The following PDLIM5 variants were observed in gnomAD, a reference collection of about 807,000 sequenced individuals.
PDLIM5 encodes the protein PDZ and LIM domain 5, also known as PDZ and LIM domain protein 5.
Under a neutral mutation model 64.2 loss-of-function variants are expected in PDLIM5, and 34 were observed. The observed-to-expected ratio is 0.53, with a 90% CI of 0.40 to 0.71. The LOEUF (loss-of-function observed/expected upper bound fraction) is 0.71. Among genes scored for constraint, PDLIM5 ranks in the 30% least tolerant of loss-of-function variants. PDLIM5 has a pLI of 0.00. For missense variants in PDLIM5, 683 were observed against 733.6 expected (o/e 0.93, Z 0.80); for synonymous variants, 253 against 269.1 (o/e 0.94, Z 0.59).
At chr4:94,563,932 T>C (rs547448642) in intron 3 of PDLIM5, among the ~76,000 whole-genome samples, 76 of 119,552 alleles carry the variant, frequency 6.4e-4, no homozygotes, top group Middle Eastern at 7.9e-3. Context: ...CATTTAGCAA[T>C]TTTTCTTTTT....
chr4:94,524,660 C>T (rs1463913725), intron 3 of PDLIM5, among the ~76,000 whole-genome samples: 1 of 151,860 alleles, frequency 6.6e-6, no homozygotes, highest in Non-Finnish European at 1.5e-5. Flanking sequence ...AATTAATCAT[C>T]ACATTGTTTA....
intron 7 of PDLIM5, 75 bp from the exon 8 acceptor site, chr4:94,617,929 T>G: frequency 2.6e-6 from 2 of 770,152 alleles, no homozygotes; most frequent in Non-Finnish European, 3.9e-6. Flanking sequence ...GATTAATGGA[T>G]TTTGAAAAGA....
intron 7 of PDLIM5, among the ~76,000 whole-genome samples, chr4:94,594,404 T>C (rs1325039058): frequency 6.6e-6 from 1 of 152,088 alleles, no homozygotes; most frequent in Admixed American, 6.5e-5. Flanking sequence ...GAAATACTAA[T>C]AGAGAAAATT....
At chr4:94,521,120 A>G (rs138212590) in intron 2 of PDLIM5, among the ~76,000 whole-genome samples, 62 of 152,304 alleles carry the variant, frequency 4.1e-4, no homozygotes, top group Middle Eastern at 3.4e-3. Flanking sequence ...CAGATTGGTG[A>G]CAAATTATAG....
At chr4:94,488,297 G>T (rs533462710) in intron 2 of PDLIM5, among the ~76,000 whole-genome samples, 1 of 152,144 alleles carries the variant, frequency 6.6e-6, no homozygotes, top group Admixed American at 6.6e-5. Flanking sequence ...AAGAGCTGCT[G>T]TTCCTTTAAT....
In PDLIM5 at chr4:94,661,955, G is replaced by A. The variant is rs150545809; in HGVS notation, c.1586-467G>A. Among the ~76,000 whole-genome samples, 2,435 of 152,036 alleles carry A rather than the reference G, an allele frequency of 0.016. 188 individuals are homozygous for A. In the East Asian group the frequency reaches 0.24, roughly 15 times the overall value. ...CGTGCCTCAGCCTCCCGAGTAGCTG[G>A]GACTACAGGCATGCGCCACCACGCC... On this transcript the variant is annotated intron_variant, in intron 11 of 12. Transcript: ENST00000317968.
At chr4:94,659,960 G>A (rs1292068401) in intron 11 of PDLIM5, among the ~76,000 whole-genome samples, 1 of 147,712 alleles carries the variant, frequency 6.8e-6, no homozygotes. Context: ...GCAGTGGCCC[G>A]ATCTCGGCTC....
chr4:94,585,205 G>C (rs192850464), intron 5 of PDLIM5, among the ~76,000 whole-genome samples: 3 of 151,812 alleles, frequency 2.0e-5, no homozygotes, highest in Non-Finnish European at 4.4e-5. Context: ...ATTCTCCTGC[G>C]TCAGCCTCCC....
At chr4:94,552,138 T>TTACTGCAG (rs1393128474) in intron 3 of PDLIM5, among the ~76,000 whole-genome samples, 13 of 149,988 alleles carry the variant, frequency 8.7e-5, no homozygotes, top group Non-Finnish European at 1.3e-4. Context: ...CAAGTTTTTA[T>TTACTGCAG]TACTGCAGTT....
chr4:94,667,384 G>A lies in PDLIM5; in HGVS notation c.*3317G>A, dbSNP rs1560778393. 1 of 152,158 alleles carries A rather than the reference G, an allele frequency of 6.6e-6. No homozygotes were observed. Among genetic ancestry groups the A allele is most frequent in the Non-Finnish European group, 1.5e-5 (1 of 68,034 alleles). The allele number at this position is 152,158 out of a possible 1,614,324, so 9.4% of individuals were successfully genotyped here. A position where few individuals can be genotyped will look rare whatever the true frequency, so the allele number is the denominator to read the frequency against. Reference sequence around the variant, plus strand: ...AAATATTTGGGGAAAAAAATGGATGGTTGCGCCTTTGCTGAACATGTACAA... The same window carrying A: ...AAATATTTGGGGAAAAAAATGGATGATTGCGCCTTTGCTGAACATGTACAA... On this transcript the variant is annotated 3_prime_UTR_variant, in exon 13 of 13. Coordinates refer to ENST00000317968, the MANE Select transcript of PDLIM5 (RefSeq NM_006457.5).
At chr4:94,605,609 G>A (rs556352506) in intron 7 of PDLIM5, among the ~76,000 whole-genome samples, 1 of 152,308 alleles carries the variant, frequency 6.6e-6, no homozygotes, top group African/African-American at 2.4e-5. Flanking sequence ...TTGTTCCATA[G>A]TAAATGAGGT....
chr4:94,476,643 GGTT>G (rs1725350473), intron 2 of PDLIM5, among the ~76,000 whole-genome samples: 1 of 151,834 alleles, frequency 6.6e-6, no homozygotes, highest in Non-Finnish European at 1.5e-5. Context: ...TTTTTTGGTT[GGTT>G]GTTGTTCTGC....
chr4:94,576,524 G>A (rs1735275538), intron 5 of PDLIM5, among the ~76,000 whole-genome samples: 1 of 152,204 alleles, frequency 6.6e-6, no homozygotes, highest in African/African-American at 2.4e-5. Flanking sequence ...ATGTCTATAT[G>A]TGAAGCATTA....
rs878974008 is a variant in PDLIM5, at chr4:94,664,502, T to G, written c.*435T>G. 1 of 692,734 alleles carries G rather than the reference T, an allele frequency of 1.4e-6. No individual in the cohort carries two copies. Among genetic ancestry groups the G allele is most frequent in the Non-Finnish European group, 1.8e-6 (1 of 563,232 alleles). The allele number at this position is 692,734 out of a possible 1,614,324, so 42.9% of individuals were successfully genotyped here. A position where few individuals can be genotyped will look rare whatever the true frequency, so the allele number is the denominator to read the frequency against. On this transcript the variant is annotated 3_prime_UTR_variant, in exon 13 of 13. Coordinates refer to ENST00000317968, the MANE Select transcript of PDLIM5 (RefSeq NM_006457.5). ...AGAATTATTGTATTTAAAAAAAAAC[T>G]AATACTTATCTTTAAAATAGTAAAT...
chr4:94,521,861 A>G (rs1026126205), intron 2 of PDLIM5, among the ~76,000 whole-genome samples: 12 of 151,990 alleles, frequency 7.9e-5, no homozygotes, highest in African/African-American at 2.7e-4. Context: ...TTTTTGTTTA[A>G]TGCCTGCCCT....
chr4:94,599,696 G>C (rs1233741890), intron 7 of PDLIM5, among the ~76,000 whole-genome samples: 1 of 152,064 alleles, frequency 6.6e-6, no homozygotes, highest in Non-Finnish European at 1.5e-5. Context: ...TTGTTGGAAT[G>C]GGGTGAAGAG....
intron 7 of PDLIM5, chr4:94,587,220 ATTG>A: frequency 7.0e-7 from 1 of 1,421,572 alleles, no homozygotes; most frequent in East Asian, 3.1e-5. Context: ...ACAATTTCCT[ATTG>A]TTGTGAGAAA....
intron 2 of PDLIM5, chr4:94,455,918 A>G (rs1487520981): frequency 2.3e-5 from 34 of 1,464,116 alleles, no homozygotes; most frequent in Non-Finnish European, 3.1e-5. Flanking sequence ...TAGATAGCCT[A>G]TGAATAATTG....
chr4:94,461,159 A>G (rs1237578930), intron 2 of PDLIM5, among the ~76,000 whole-genome samples: 2 of 152,234 alleles, frequency 1.3e-5, no homozygotes, highest in African/African-American at 4.8e-5. Context: ...TGCTTTAGAC[A>G]AAAAAGGAGT....
Sources: gnomAD v4.1 joint callset for allele counts (sites outside exome capture counted in the v4.1 genomes callset) on GRCh38, gnomAD v4.1.1 for gene constraint, MANE v1.5 for transcripts, NCBI Gene and HGNC (gene_info 2026-07-23, HGNC 2026-07-21) for gene names.